Variants in EPM2A observed in about 807,000 individuals in gnomAD.
EPM2A encodes the protein EPM2A glucan phosphatase, laforin.
Under a neutral mutation model 26.5 loss-of-function variants are expected in EPM2A, and 21 were observed. The observed-to-expected ratio is 0.79, with a 90% CI of 0.56 to 1.14. The LOEUF is 1.14. Among genes scored for constraint, EPM2A ranks in the 50% most tolerant of loss-of-function variants. The pLI is 0.00. For missense variants in EPM2A, 458 were observed against 440.8 expected (o/e 1.04, Z -0.35); for synonymous variants, 217 against 177.6 (o/e 1.22, Z -1.76).
rs548381584 is a variant in EPM2A, at chr6:145,451,520, C to G, written c.555+51002G>C. ...ATAATATTCTTCTCTTTTCCAAATA[C>G]AGGTATATGTGTAGTCAGATTTTCT... On this transcript the variant is annotated intron_variant, in intron 4 of 4. Transcript: ENST00000638717. Among the ~76,000 whole-genome samples the G allele has an allele frequency of 4.6e-5, 7 of 152,268 alleles. No individual in the cohort carries two copies. The East Asian group carries it at 1.3e-3, about 29-fold the overall frequency.
At chr6:145,448,160 T>C (rs1457578594) in intron 4 of EPM2A, among the ~76,000 whole-genome samples, 1 of 152,166 alleles carries the variant, frequency 6.6e-6, no homozygotes, top group Non-Finnish European at 1.5e-5. Flanking sequence ...AAATACACTA[T>C]TGTGATTATT....
intron 2 of EPM2A, among the ~76,000 whole-genome samples, chr6:145,618,650 T>C (rs1177837296): frequency 6.6e-6 from 1 of 152,230 alleles, no homozygotes; most frequent in Non-Finnish European, 1.5e-5. Context: ...TTGCTTCTCC[T>C]TCTGCGATGA....
chr6:145,632,911 G>A (rs1053885902), intron 3 of EPM2A, among the ~76,000 whole-genome samples: 3 of 152,152 alleles, frequency 2.0e-5, no homozygotes, highest in African/African-American at 7.2e-5. Flanking sequence ...CTTACAGCTG[G>A]GCCTTTATCA....
chr6:145,686,361 C>G (rs997231501), intron 1 of EPM2A, 65 bp from the exon 2 acceptor site: 7 of 1,276,886 alleles, frequency 5.5e-6, no homozygotes, highest in Non-Finnish European at 6.8e-6. Flanking sequence ...ATCCTCAAAG[C>G]AGCTGATACA....
intron 2 of EPM2A, among the ~76,000 whole-genome samples, chr6:145,542,644 C>A (rs760206120): frequency 2.6e-5 from 4 of 152,150 alleles, no homozygotes; most frequent in Admixed American, 2.6e-4. Context: ...GCCAGGGACC[C>A]TTGTTAGTCC....
At chr6:145,636,040 G>C (rs919489229) in intron 2 of EPM2A, 2 of 154,544 alleles carry the variant, frequency 1.3e-5, no homozygotes, top group Admixed American at 1.3e-4. Context: ...GTGTTCTATA[G>C]GTTTCATCTA....
intron 2 of EPM2A, among the ~76,000 whole-genome samples, chr6:145,503,895 G>T (rs1271282016): frequency 3.2e-5 from 1 of 31,028 alleles, no homozygotes; most frequent in Non-Finnish European, 6.4e-5. Context: ...CCAAAACAGA[G>T]ATATAGATCA....
At chr6:145,565,844 A>G (rs1780877689) in intron 2 of EPM2A, among the ~76,000 whole-genome samples, 1 of 152,194 alleles carries the variant, frequency 6.6e-6, no homozygotes, top group South Asian at 2.1e-4. Flanking sequence ...GTAAAGAAAC[A>G]GAAATCAAGA....
chr6:145,659,873 G>C (rs1457664863), intron 2 of EPM2A, among the ~76,000 whole-genome samples: 1 of 152,076 alleles, frequency 6.6e-6, no homozygotes, highest in Non-Finnish European at 1.5e-5. Context: ...AATCAATCCA[G>C]ATGTTTCCGT....
At chr6:145,589,563 T>C (rs921872657) in intron 2 of EPM2A, among the ~76,000 whole-genome samples, 1 of 151,888 alleles carries the variant, frequency 6.6e-6, no homozygotes, top group Non-Finnish European at 1.5e-5. Context: ...AAAAAGAAAA[T>C]AATAATAAAA....
intron 1 of EPM2A, among the ~76,000 whole-genome samples, chr6:145,722,927 C>T (rs537283280): frequency 4.6e-5 from 7 of 152,138 alleles, no homozygotes; most frequent in Non-Finnish European, 7.4e-5. Flanking sequence ...CCAACTCTGA[C>T]GGCACCTTCA....
chr6:145,705,218 G>A (rs542176924), intron 1 of EPM2A, among the ~76,000 whole-genome samples: 11 of 152,304 alleles, frequency 7.2e-5, no homozygotes, highest in African/African-American at 2.4e-4. Flanking sequence ...GGAGGTCAAG[G>A]TGGGTGGATG....
chr6:145,489,725 G>A (rs1172862179), intron 4 of EPM2A: 19 of 1,454,956 alleles, frequency 1.3e-5, no homozygotes, highest in Middle Eastern at 3.5e-4. Flanking sequence ...CAGCATCTTC[G>A]TGATCTTCCC....
rs1781258042 is a variant in EPM2A, at chr6:145,590,458, T to A, written c.340+44787A>T. ...ACTGAAAAATAAAAAAAAAGAAAATTGTGCCATTCACAAGCCAATAATACA... is the reference window on the plus strand; with the variant it reads ...ACTGAAAAATAAAAAAAAAGAAAATAGTGCCATTCACAAGCCAATAATACA... On this transcript the variant is annotated intron_variant, in intron 2 of 3. Coordinates refer to the EPM2A transcript ENST00000450221. Among the ~76,000 whole-genome samples, 6 of 151,868 alleles carry A rather than the reference T, an allele frequency of 4.0e-5. No homozygotes were observed. The South Asian group carries it at 1.2e-3, about 32-fold the overall frequency.
At chr6:145,469,507 C>T (rs915453266) in intron 4 of EPM2A, among the ~76,000 whole-genome samples, 2 of 151,684 alleles carry the variant, frequency 1.3e-5, no homozygotes, top group Admixed American at 1.3e-4. Context: ...GGCTTATATC[C>T]AAAAGACAGG....
intron 3 of EPM2A, among the ~76,000 whole-genome samples, chr6:145,502,228 T>G (rs1779899885): frequency 6.6e-6 from 1 of 152,258 alleles, no homozygotes; most frequent in African/African-American, 2.4e-5. Flanking sequence ...ATGGGAATTC[T>G]CTGACATCTG....
At chr6:145,534,264 G>A (rs193239257) in intron 2 of EPM2A, among the ~76,000 whole-genome samples, 2 of 152,242 alleles carry the variant, frequency 1.3e-5, no homozygotes, top group African/African-American at 4.8e-5. Context: ...TCTGAATGGG[G>A]TCATGCATGA....
Position 145,531,925 on chromosome 6 carries a change from A to G in EPM2A, c.341-29350T>C, listed in dbSNP as rs1265367922. Among the ~76,000 whole-genome samples the G allele has an allele frequency of 2.0e-5, 3 of 152,084 alleles. No homozygotes were observed. In the East Asian group the frequency reaches 5.8e-4, roughly 29 times the overall value. ...AAATCTGCCTTTTTTCAGCTCTGTTATCTGGGCAGACACTCCCTTCCCAGC... is the reference window on the plus strand; with the variant it reads ...AAATCTGCCTTTTTTCAGCTCTGTTGTCTGGGCAGACACTCCCTTCCCAGC... On this transcript the variant is annotated intron_variant, in intron 2 of 3. Transcript: ENST00000450221.
intron 2 of EPM2A, among the ~76,000 whole-genome samples, chr6:145,611,489 G>A (rs1775390838): frequency 6.6e-6 from 1 of 151,684 alleles, no homozygotes; most frequent in Non-Finnish European, 1.5e-5. Context: ...AATTTCCTGT[G>A]TTTATAGGAA....
Sources: allele counts gnomAD v4.1 joint callset (sites outside exome capture counted in the v4.1 genomes callset), GRCh38; gene constraint gnomAD v4.1.1; transcripts MANE v1.5; gene names NCBI Gene and HGNC (gene_info 2026-07-23, HGNC 2026-07-21).